ACSBG2: variants seen among roughly 807,000 people sequenced by gnomAD.
ACSBG2 encodes long-chain-fatty-acid--CoA ligase ACSBG2.
ACSBG2 carries 62 observed loss-of-function variants against 74.7 expected under a neutral mutation model. The observed-to-expected ratio is 0.83, with a 90% CI of 0.68 to 1.03. The LOEUF is 1.03. Ranked by LOEUF, ACSBG2 falls within the 50% of genes least tolerant of loss-of-function variation. The pLI, the probability that ACSBG2 is intolerant of heterozygous loss-of-function variation, is 0.00. For synonymous variants in ACSBG2, 309 were observed against 294.1 expected, an observed-to-expected ratio of 1.05 and a Z score of -0.52; for missense variants, 730 against 817.6, an observed-to-expected ratio of 0.89 and a Z score of 1.31.
At chr19:6,165,073 A>C (rs1242843063) in intron 6 of ACSBG2, among the ~76,000 whole-genome samples, 2 of 152,228 alleles carry the variant, frequency 1.3e-5, no homozygotes, top group Non-Finnish European at 2.9e-5. Context: ...AAATGGCTTA[A>C]GCAACAAACA....
At chr19:6,157,250 G>A (rs1296643973) in intron 5 of ACSBG2, among the ~76,000 whole-genome samples, 2 of 151,868 alleles carry the variant, frequency 1.3e-5, no homozygotes, top group East Asian at 3.9e-4. Context: ...CCCGAGCCCG[G>A]GCTAACTTTT....
At chr19:6,136,877 G>T (rs572308819) in intron 1 of ACSBG2, among the ~76,000 whole-genome samples, 1 of 152,288 alleles carries the variant, frequency 6.6e-6, no homozygotes, top group South Asian at 2.1e-4. Flanking sequence ...TCACAGGTGT[G>T]AGCCTCCGCA....
At chr19:6,184,825 T>G (rs2145253155) in intron 10 of ACSBG2, among the ~76,000 whole-genome samples, 3 of 81,284 alleles carry the variant, frequency 3.7e-5, no homozygotes, top group African/African-American at 1.4e-4. Flanking sequence ...CCGGCATATG[T>G]GGAGATGAAA....
chr19:6,172,179 T>C (rs1182893131), intron 7 of ACSBG2, among the ~76,000 whole-genome samples: 1 of 152,192 alleles, frequency 6.6e-6, no homozygotes, highest in Non-Finnish European at 1.5e-5. Context: ...ATTCTTTATA[T>C]GTCATTTCAA....
intron 8 of ACSBG2, among the ~76,000 whole-genome samples, chr19:6,179,783 T>C (rs2090194275): frequency 6.6e-6 from 1 of 152,064 alleles, no homozygotes; most frequent in African/African-American, 2.4e-5. Context: ...CAGCTAATTT[T>C]TGTATTTTTA....
chr19:6,144,797 T>C (rs1600002040), intron 2 of ACSBG2, among the ~76,000 whole-genome samples: 1 of 151,762 alleles, frequency 6.6e-6, no homozygotes, highest in Non-Finnish European at 1.5e-5. Context: ...CGGGTTCAAG[T>C]GATTCTCCTG....
At chr19:6,169,180 A>T (rs974863156) in intron 7 of ACSBG2, among the ~76,000 whole-genome samples, 1 of 152,160 alleles carries the variant, frequency 6.6e-6, no homozygotes, top group Admixed American at 6.6e-5. Context: ...AGAAGCTCTT[A>T]AGTCCCAATT....
rs780941292 is a variant in ACSBG2 at position 6,187,678 on chromosome 19, GC to G, written c.1762del (p.Gln588ArgfsTer5). The G allele has an allele frequency of 1.2e-6, 2 of 1,614,138 alleles. No individual in the cohort carries two copies. On this transcript the variant is annotated frameshift_variant, in exon 13 of 15. Transcript: ENST00000588485. LOFTEE classifies it high-confidence loss of function. ...EAINFCRGLGSQASTVTEIVK... is the reference protein window; with the variant it reads ...EAINFCRGLGXQASTVTEIVK... ...ATCAACTTCTGTCGGGGTCTGGGCAGCCAGGCATCCACCGTGACTGAGATTG... is the reference window on the plus strand; with the variant it reads ...ATCAACTTCTGTCGGGGTCTGGGCAGCAGGCATCCACCGTGACTGAGATTG...
chr19:6,136,152 C>CTGGAGTACAGTGGT (rs369519317), intron 1 of ACSBG2, among the ~76,000 whole-genome samples: 8 of 147,428 alleles, frequency 5.4e-5, no homozygotes, highest in Non-Finnish European at 9.0e-5. Context: ...GTTGCCCAGG[C>CTGGAGTACAGTGGT]GCAATCTCGG....
rs2089912381 is a variant in ACSBG2 at position 6,169,741 on chromosome 19, CTG to C, written c.738+3729_738+3730del. Among the ~76,000 whole-genome samples, 4 of 152,126 alleles carry C rather than the reference CTG, an allele frequency of 2.6e-5. No homozygotes were observed. The South Asian group carries it at 8.3e-4, about 32-fold the overall frequency. Reference sequence around the variant, plus strand: ...TGGAATGCTTTTCCATTTGTGTCATCTGTGATTTCTTTCATCAATGTTTTGAA... The same window carrying C: ...TGGAATGCTTTTCCATTTGTGTCATCTGATTTCTTTCATCAATGTTTTGAA... On this transcript the variant is annotated intron_variant, in intron 7 of 14. Transcript: ENST00000588485.
chr19:6,166,107 A>T (rs1055374726), intron 7 of ACSBG2, 92 bp downstream of exon 7: 8 of 1,512,614 alleles, frequency 5.3e-6, no homozygotes, highest in Non-Finnish European at 6.3e-6. Context: ...AGGGTCTAGT[A>T]CGCAGTGTGG....
Position 6,181,821 on chromosome 19 carries a change from C to CCG in ACSBG2, c.907-929_907-928insGC, listed in dbSNP as rs1555696903. Reference sequence around the variant, plus strand: ...TTGAATAGTCCCCACCCGCCCCCCCCCCCAACGAAATTTCCTTGGCATTTT... The same window carrying CCG: ...TTGAATAGTCCCCACCCGCCCCCCCCCGCCCAACGAAATTTCCTTGGCATTTT... On this transcript the variant is annotated intron_variant, in intron 8 of 14. Transcript: ENST00000588485. 2.8e-4 allele frequency among the ~76,000 whole-genome samples: 35 copies of CCG among 122,828 alleles called. 1 individual carries two copies. Among genetic ancestry groups the CCG allele is most frequent in the Middle Eastern group, 4.0e-3 (1 of 252 alleles). 80.6% of individuals were successfully genotyped at this position (122,828 alleles called of 152,430 possible). A position where few individuals can be genotyped will look rare whatever the true frequency, so the allele number is the denominator to read the frequency against.
chr19:6,165,145 C>T (rs2089754023), intron 6 of ACSBG2, among the ~76,000 whole-genome samples: 1 of 152,184 alleles, frequency 6.6e-6, no homozygotes, highest in East Asian at 1.9e-4. Context: ...TCAGGCATGG[C>T]TGGAACCAGG....
intron 7 of ACSBG2, among the ~76,000 whole-genome samples, chr19:6,170,844 C>T (rs2089945425): frequency 6.6e-6 from 1 of 152,130 alleles, no homozygotes; most frequent in African/African-American, 2.4e-5. Flanking sequence ...AAGTCCCTCA[C>T]AATTATTGTA....
chr19:6,177,859 G>C (rs2090129144), intron 8 of ACSBG2, among the ~76,000 whole-genome samples: 1 of 147,468 alleles, frequency 6.8e-6, no homozygotes, highest in Non-Finnish European at 1.5e-5. Context: ...AGATGTACTT[G>C]GTACTGAAAG....
chr19:6,187,028 G>A (rs182033704), intron 11 of ACSBG2, among the ~76,000 whole-genome samples: 1 of 143,632 alleles, frequency 7.0e-6, no homozygotes, highest in Non-Finnish European at 1.5e-5. Flanking sequence ...TTTTGAGATG[G>A]TGTTTCACTC....
At chr19:6,191,255 T>C (rs2145301100) in intron 14 of ACSBG2, 1 of 151,918 alleles carries the variant, frequency 6.6e-6, no homozygotes, top group South Asian at 2.1e-4. Context: ...TTTTTTTTTT[T>C]CTTCACTAGA....
intron 2 of ACSBG2, among the ~76,000 whole-genome samples, chr19:6,146,362 C>T (rs917607497): frequency 3.9e-5 from 6 of 151,932 alleles, no homozygotes; most frequent in African/African-American, 1.5e-4. Flanking sequence ...CCCAGCTACT[C>T]GGCAGGTTGA....
rs771458414 is a variant in ACSBG2, at chr19:6,161,256, G to A, written c.549G>A (p.Gln183=). ...TAGAGCCCCTAAAAGCGATCATCCAGTACAGACTGCCAATGAAGAAGAACA... is the reference window on the plus strand; with the variant it reads ...TAGAGCCCCTAAAAGCGATCATCCAATACAGACTGCCAATGAAGAAGAACA... ...SSLEPLKAII[Q]YRLPMKKNNN... Residue 183 remains glutamine, a synonymous_variant, in exon 6 of 15, where the codon CAG becomes CAA. Coordinates refer to ENST00000588485, the MANE Select transcript of ACSBG2 (RefSeq NM_030924.5). The A allele has an allele frequency of 6.2e-7, 1 of 1,613,440 alleles. No homozygotes were observed. The highest frequency in any genetic ancestry group is 1.1e-5 in the South Asian group (1 of 91,074).
Sources: allele counts gnomAD v4.1 joint callset (sites outside exome capture counted in the v4.1 genomes callset), GRCh38; gene constraint gnomAD v4.1.1; transcripts MANE v1.5; gene names NCBI Gene and HGNC (gene_info 2026-07-23, HGNC 2026-07-21).